Variants in ARHGAP24 observed in about 807,000 individuals in gnomAD.
ARHGAP24 encodes rho GTPase-activating protein 24.
ARHGAP24 carries 50 observed loss-of-function variants against 76.4 expected under a neutral mutation model. That is an observed-to-expected ratio of 0.65 (90% confidence interval 0.52 to 0.83). The LOEUF is 0.83. Among genes scored for constraint, ARHGAP24 ranks in the 40% least tolerant of loss-of-function variants. The pLI is 0.00. For missense variants in ARHGAP24, 930 were observed against 914.2 expected (o/e 1.02, Z -0.22); for synonymous variants, 345 against 323.3 (o/e 1.07, Z -0.72).
At chr4:85,547,653 C>T (rs1166561258) in intron 1 of ARHGAP24, among the ~76,000 whole-genome samples, 1 of 152,068 alleles carries the variant, frequency 6.6e-6, no homozygotes, top group Non-Finnish European at 1.5e-5. Context: ...CCAGGCTGGT[C>T]TCAAACACCT....
At chr4:85,833,432 T>C (rs1197889096) in intron 3 of ARHGAP24, among the ~76,000 whole-genome samples, 1 of 152,128 alleles carries the variant, frequency 6.6e-6, no homozygotes, top group Admixed American at 6.5e-5. Context: ...ATCCTGGGAT[T>C]CCTCCCCTCC....
intron 5 of ARHGAP24, among the ~76,000 whole-genome samples, chr4:85,951,671 T>G (rs1392948545): frequency 6.6e-6 from 1 of 152,204 alleles, no homozygotes; most frequent in Non-Finnish European, 1.5e-5. Context: ...AATGTTTCCT[T>G]GTGAAACATT....
At chr4:85,882,142 G>A (rs1292247375) in intron 3 of ARHGAP24, among the ~76,000 whole-genome samples, 2 of 141,048 alleles carry the variant, frequency 1.4e-5, no homozygotes, top group Admixed American at 7.5e-5. Context: ...CAACTCTATG[G>A]TTGGGTTAAA....
At chr4:85,665,781 G>C (rs1182638631) in intron 2 of ARHGAP24, among the ~76,000 whole-genome samples, 1 of 152,138 alleles carries the variant, frequency 6.6e-6, no homozygotes, top group African/African-American at 2.4e-5. Flanking sequence ...ATGAAGCTTA[G>C]TTTGGCTGGA....
intron 1 of ARHGAP24, among the ~76,000 whole-genome samples, chr4:85,478,421 T>G (rs552200901): frequency 6.6e-6 from 1 of 152,326 alleles, no homozygotes; most frequent in South Asian, 2.1e-4. Flanking sequence ...AGCAGCTAAG[T>G]ACAAGCACAT....
intron 2 of ARHGAP24, among the ~76,000 whole-genome samples, chr4:85,713,422 A>G (rs543396403): frequency 4.6e-5 from 7 of 152,346 alleles, no homozygotes; most frequent in African/African-American, 1.7e-4. Context: ...TTAGCAAAAT[A>G]AAAATCATCT....
At chr4:85,854,650 T>A in intron 3 of ARHGAP24, among the ~76,000 whole-genome samples, 1 of 152,198 alleles carries the variant, frequency 6.6e-6, no homozygotes, top group East Asian at 1.9e-4. Flanking sequence ...AGAAGACTCC[T>A]AACTTAGTGA....
intron 3 of ARHGAP24, among the ~76,000 whole-genome samples, chr4:85,912,185 G>A (rs936500345): frequency 1.3e-5 from 2 of 152,184 alleles, no homozygotes; most frequent in African/African-American, 4.8e-5. Flanking sequence ...AGCTGTGGAA[G>A]TGATAATGGT....
chr4:85,857,536 C>T lies in ARHGAP24; in HGVS notation c.269-66112C>T, dbSNP rs534437847. 6.6e-5 allele frequency among the ~76,000 whole-genome samples: 10 copies of T among 152,150 alleles called. No individual in the cohort carries two copies. The South Asian group carries it at 1.9e-3, about 28-fold the overall frequency. On this transcript the variant is annotated intron_variant, in intron 3 of 9. Coordinates refer to ENST00000395184, the MANE Select transcript of ARHGAP24 (RefSeq NM_001025616.3). ...GGTTTCCCCCAACCCATTTATTTTT[C>T]CTCATAATGCTTTTATTTTCATTTG...
At chr4:85,678,258 T>C (rs1045055583) in intron 2 of ARHGAP24, among the ~76,000 whole-genome samples, 1 of 152,022 alleles carries the variant, frequency 6.6e-6, no homozygotes, top group Admixed American at 6.6e-5. Flanking sequence ...TAGTCCCAGC[T>C]ACTCAGGAGA....
At chr4:85,881,417 A>T (rs560706926) in intron 3 of ARHGAP24, among the ~76,000 whole-genome samples, 4 of 152,136 alleles carry the variant, frequency 2.6e-5, no homozygotes, top group East Asian at 3.9e-4. Flanking sequence ...ATTATTTTTT[A>T]AAAAGATACG....
chr4:85,749,995 C>T (rs755313700), intron 3 of ARHGAP24, among the ~76,000 whole-genome samples: 1 of 152,140 alleles, frequency 6.6e-6, no homozygotes, highest in Admixed American at 6.5e-5. Flanking sequence ...CTCAGTCATG[C>T]ATCCATCCAT....
In ARHGAP24 at chr4:85,653,501, G is replaced by C. The variant is rs563707635; in HGVS notation, c.181-68384G>C. On this transcript the variant is annotated intron_variant, in intron 2 of 9. Transcript: ENST00000395184. ...TTAATTTATTTATTTTGAGGAGGAG[G>C]CTCACTTTGTCACCCAGGCTGGAGT... 2.3e-3 allele frequency among the ~76,000 whole-genome samples: 356 copies of C among 151,970 alleles called. 1 individual carries two copies. Among genetic ancestry groups the C allele is most frequent in the Admixed American group, 4.9e-3 (74 of 15,238 alleles).
intron 5 of ARHGAP24, among the ~76,000 whole-genome samples, chr4:85,950,703 C>T (rs556421737): frequency 1.3e-5 from 2 of 149,950 alleles, no homozygotes; most frequent in East Asian, 3.9e-4. Flanking sequence ...TAAGAGTCTC[C>T]CTCTGTCACC....
chr4:85,813,796 T>C (rs1729111986), intron 3 of ARHGAP24, among the ~76,000 whole-genome samples: 1 of 130,066 alleles, frequency 7.7e-6, no homozygotes, highest in Non-Finnish European at 1.6e-5. Flanking sequence ...AACTTAGTTA[T>C]ATAAATATAT....
At chr4:85,690,439 G>A (rs1723589395) in intron 2 of ARHGAP24, among the ~76,000 whole-genome samples, 1 of 151,860 alleles carries the variant, frequency 6.6e-6, no homozygotes, top group Non-Finnish European at 1.5e-5. Flanking sequence ...CAGGGTCCAG[G>A]GCTTTTTGTG....
intron 2 of ARHGAP24, among the ~76,000 whole-genome samples, chr4:85,707,864 G>T (rs1724377004): frequency 6.6e-6 from 1 of 152,100 alleles, no homozygotes; most frequent in African/African-American, 2.4e-5. Context: ...CAACGCAGCT[G>T]GTTTGGGTCA....
chr4:85,649,011 A>ATGTGTGTGTGTGTG (rs3028048), intron 2 of ARHGAP24, among the ~76,000 whole-genome samples: 61 of 148,030 alleles, frequency 4.1e-4, no homozygotes, highest in African/African-American at 1.6e-3. Context: ...ATTTGTAAAT[A>ATGTGTGTGTGTGTG]TGTGTGTGTG....
At chr4:85,703,614 C>A (rs960248477) in intron 2 of ARHGAP24, among the ~76,000 whole-genome samples, 23 of 152,072 alleles carry the variant, frequency 1.5e-4, no homozygotes, top group African/African-American at 5.3e-4. Context: ...GAGGTTACAG[C>A]AAAAACACTG....
Sources: gnomAD v4.1 joint callset for allele counts (sites outside exome capture counted in the v4.1 genomes callset) on GRCh38, gnomAD v4.1.1 for gene constraint, MANE v1.5 for transcripts, NCBI Gene and HGNC (gene_info 2026-07-23, HGNC 2026-07-21) for gene names.